Variants in LRBA observed in about 807,000 individuals in gnomAD.
LRBA encodes LPS responsive beige-like anchor protein.
In LRBA, 176 loss-of-function variants were observed where a neutral mutation model predicts 330.0. The ratio of observed to expected loss-of-function variants is 0.53; its 90% CI spans 0.47 to 0.60. The LOEUF is 0.60. LRBA is among the 20% of genes least tolerant of loss of function. The probability of loss-of-function intolerance (pLI) is 0.00; values close to 1 mark genes in which losing one functional copy is unlikely to be tolerated. For synonymous variants in LRBA, 1,230 were observed against 1,193.0 expected, an observed-to-expected ratio of 1.03 and a Z score of -0.64; for missense variants, 3,259 against 3,444.8, an observed-to-expected ratio of 0.95 and a Z score of 1.35.
At chr4:150,725,551 C>A (rs1385744145) in intron 36 of LRBA, among the ~76,000 whole-genome samples, 1 of 152,168 alleles carries the variant, frequency 6.6e-6, no homozygotes, top group Admixed American at 6.5e-5. Context: ...TAAAGGATTT[C>A]ATCAACACCA....
At chr4:150,874,682 T>C (rs1434709655) in intron 17 of LRBA, among the ~76,000 whole-genome samples, 3 of 151,450 alleles carry the variant, frequency 2.0e-5, no homozygotes, top group Non-Finnish European at 2.9e-5. Context: ...TGCTCCACTC[T>C]CAGGCAGAAA....
At chr4:150,669,295 C>A (rs1781841547) in intron 37 of LRBA, among the ~76,000 whole-genome samples, 3 of 152,158 alleles carry the variant, frequency 2.0e-5, no homozygotes, top group Admixed American at 2.0e-4. Context: ...TATATAACCA[C>A]ACTACAATTA....
intron 44 of LRBA, among the ~76,000 whole-genome samples, chr4:150,449,470 C>T (rs924632001): frequency 1.3e-5 from 2 of 150,780 alleles, no homozygotes; most frequent in African/African-American, 2.4e-5. Flanking sequence ...CTACCCTATC[C>T]ACCCCACAAC....
At position 150,285,945 on chromosome 4, in the gene LRBA, T is replaced by A; in HGVS notation, c.8107A>T (p.Ser2703Cys). 1 of 1,579,770 alleles carries A rather than the reference T, an allele frequency of 6.3e-7. No individual in the cohort carries two copies. Among genetic ancestry groups the A allele is most frequent in the South Asian group, 1.2e-5 (1 of 84,176 alleles). Residue 2703 changes from serine to cysteine, a missense_variant, in exon 54 of 57, where the codon AGT becomes TGT. By Grantham distance (112) the Ser-to-Cys change is moderately radical. Transcript: ENST00000651943. ...AVCAELGLVLSGSQEGPCLIH... is the reference protein window; with the variant it reads ...AVCAELGLVLCGSQEGPCLIH... ...ACCACAGGTTTACCTTGTGAACCAC[T>A]CAACACCAGGCCTAGCTCCGCACAC...
intron 40 of LRBA, among the ~76,000 whole-genome samples, chr4:150,517,229 T>C (rs1762444360): frequency 6.6e-6 from 1 of 152,098 alleles, no homozygotes; most frequent in Admixed American, 6.6e-5. Flanking sequence ...TGCAAATATA[T>C]GTTAAGGTGT....
chr4:150,459,290 C>T (rs1056332647), intron 44 of LRBA, among the ~76,000 whole-genome samples: 1 of 151,840 alleles, frequency 6.6e-6, no homozygotes, highest in Admixed American at 6.6e-5. Context: ...ATATCAGAAA[C>T]GTGTCTGGTA....
At chr4:150,546,159 A>C (rs1369508299) in intron 40 of LRBA, among the ~76,000 whole-genome samples, 1 of 152,216 alleles carries the variant, frequency 6.6e-6, no homozygotes, top group African/African-American at 2.4e-5. Context: ...CTAAAGCTCT[A>C]AAATCATACT....
chr4:150,609,668 G>C (rs1483055521), intron 37 of LRBA, among the ~76,000 whole-genome samples: 2 of 152,196 alleles, frequency 1.3e-5, no homozygotes, highest in South Asian at 2.1e-4. Context: ...GAAAAGTAGA[G>C]AGTAAAACAC....
chr4:150,324,604 A>AG (rs200332258), intron 49 of LRBA, among the ~76,000 whole-genome samples: 4 of 148,792 alleles, frequency 2.7e-5, no homozygotes, highest in African/African-American at 7.7e-5. Flanking sequence ...GGGAAGAGAA[A>AG]GGAAAAAAAA....
intron 40 of LRBA, among the ~76,000 whole-genome samples, chr4:150,565,345 C>T (rs1271107502): frequency 6.6e-6 from 1 of 151,784 alleles, no homozygotes; most frequent in Admixed American, 6.6e-5. Context: ...GCCTGTTGGG[C>T]CATGGGGGGA....
At chr4:150,404,106 T>C (rs954538677) in intron 47 of LRBA, among the ~76,000 whole-genome samples, 1 of 152,172 alleles carries the variant, frequency 6.6e-6, no homozygotes, top group Non-Finnish European at 1.5e-5. Flanking sequence ...TTACTATTGA[T>C]ATCATGAGCA....
intron 47 of LRBA, among the ~76,000 whole-genome samples, chr4:150,409,377 A>G (rs1746640003): frequency 6.6e-6 from 1 of 152,098 alleles, no homozygotes; most frequent in African/African-American, 2.4e-5. Context: ...GGAAACTAAT[A>G]AAATAACTAT....
intron 46 of LRBA, among the ~76,000 whole-genome samples, chr4:150,434,036 T>C (rs564416471): frequency 6.6e-6 from 1 of 152,314 alleles, no homozygotes; most frequent in East Asian, 1.9e-4. Flanking sequence ...GATGCAATTG[T>C]CATTATACTG....
chr4:150,509,160 T>C (rs1188660527), intron 40 of LRBA, among the ~76,000 whole-genome samples: 1 of 152,144 alleles, frequency 6.6e-6, no homozygotes, highest in East Asian at 1.9e-4. Flanking sequence ...GATTTTATCA[T>C]TCCACAAAAT....
chr4:150,537,385 C>T (rs893063417), intron 40 of LRBA, among the ~76,000 whole-genome samples: 2 of 151,986 alleles, frequency 1.3e-5, no homozygotes, highest in African/African-American at 4.8e-5. Flanking sequence ...AAAAGAAAAC[C>T]TAGGAAGTAC....
intron 2 of LRBA, among the ~76,000 whole-genome samples, chr4:150,951,328 T>C (rs990025153): frequency 2.0e-5 from 3 of 152,032 alleles, no homozygotes; most frequent in Non-Finnish European, 2.9e-5. Flanking sequence ...TTTTCATTCA[T>C]AGTTCTCCAC....
intron 40 of LRBA, among the ~76,000 whole-genome samples, chr4:150,534,587 C>T (rs867857803): frequency 1.3e-5 from 2 of 151,922 alleles, no homozygotes; most frequent in East Asian, 1.9e-4. Flanking sequence ...AACAATATTA[C>T]AAAAACAATA....
chr4:150,979,871 T>TG (rs1322277797), intron 2 of LRBA, among the ~76,000 whole-genome samples: 3 of 152,164 alleles, frequency 2.0e-5, no homozygotes, highest in Non-Finnish European at 4.4e-5. Flanking sequence ...ACCTGATGGC[T>TG]TTACTGCTGG....
chr4:150,461,982 C>G (rs1420402799), intron 44 of LRBA, among the ~76,000 whole-genome samples: 1 of 151,616 alleles, frequency 6.6e-6, no homozygotes, highest in Admixed American at 6.6e-5. Flanking sequence ...ACAAAGGAAG[C>G]CCTGGTACTG....
Sources: gnomAD v4.1 joint callset for allele counts (sites outside exome capture counted in the v4.1 genomes callset) on GRCh38, gnomAD v4.1.1 for gene constraint, MANE v1.5 for transcripts, NCBI Gene and HGNC (gene_info 2026-07-23, HGNC 2026-07-21) for gene names.